Variants in NTRK2 observed in about 807,000 individuals in gnomAD.
NTRK2 encodes neurotrophic receptor tyrosine kinase 2, also known as BDNF/NT-3 growth factors receptor.
A neutral mutation model predicts 94.5 loss-of-function variants in NTRK2; 13 were observed. The observed-to-expected ratio is 0.14, with a 90% CI of 0.09 to 0.22. The LOEUF is 0.22. Ranked by LOEUF, NTRK2 falls within the 10% of genes least tolerant of loss-of-function variation. The probability of loss-of-function intolerance (pLI) is 1.00; values close to 1 mark genes in which losing one functional copy is unlikely to be tolerated. For missense variants in NTRK2, 639 were observed against 1,071.2 expected (o/e 0.60, Z 5.63); for synonymous variants, 372 against 407.4 (o/e 0.91, Z 1.05).
chr9:84,955,304 G>A lies in NTRK2; in HGVS notation c.1959G>A (p.Val653=). 2 of 1,607,004 alleles carry A rather than the reference G, an allele frequency of 1.2e-6. No homozygotes were observed. Among genetic ancestry groups the A allele is most frequent in the East Asian group, 4.5e-5 (2 of 44,368 alleles). ...KFLRAHGPDA[V]LMAEGNPPTE... is the part of the protein sequence containing the mutation. The stretch of plus-strand genomic sequence containing the variant: ...CCAGGGCACACGGCCCTGATGCCGT[G>A]CTGATGGCTGAGGGCAACCCGCCCA... Residue 653 remains valine (V), a synonymous_variant, in exon 17 of 19, where the codon GTG becomes GTA. Coordinates refer to ENST00000277120, the MANE Select transcript of NTRK2 (RefSeq NM_006180.6).
chr9:84,855,128 G>T (rs1414416627), intron 12 of NTRK2, among the ~76,000 whole-genome samples: 1 of 152,128 alleles, frequency 6.6e-6, no homozygotes, highest in Non-Finnish European at 1.5e-5. Context: ...GTAAGGATCA[G>T]AAGTTTATAC....
chr9:84,940,144 C>A (rs981725330), intron 15 of NTRK2, among the ~76,000 whole-genome samples: 3 of 152,028 alleles, frequency 2.0e-5, no homozygotes, highest in Non-Finnish European at 4.4e-5. Context: ...CTACCCAACC[C>A]AAATGGACTG....
chr9:84,818,019 T>G (rs115891161), intron 12 of NTRK2, among the ~76,000 whole-genome samples: 3,702 of 152,278 alleles, frequency 0.024, 128 homozygotes, highest in African/African-American at 0.077. Flanking sequence ...AATACATCCT[T>G]TAGTGAGCTC....
intron 17 of NTRK2, 52 bp downstream of exon 17, chr9:84,955,569 C>T (rs1824006066): frequency 7.0e-7 from 1 of 1,437,302 alleles, no homozygotes; most frequent in Non-Finnish European, 9.7e-7. Context: ...CCTGCGGGAC[C>T]CCTGCTGTAT....
chr9:84,861,004 T>C, intron 12 of NTRK2, 36 bp from the exon 13 acceptor site: 1 of 1,601,158 alleles, frequency 6.2e-7, no homozygotes. Flanking sequence ...CTACTTCTCT[T>C]TCGAAGTTTA....
At chr9:84,899,740 A>G (rs754956272) in intron 14 of NTRK2, among the ~76,000 whole-genome samples, 8 of 152,062 alleles carry the variant, frequency 5.3e-5, no homozygotes, top group Non-Finnish European at 1.2e-4. Flanking sequence ...GAAAAAGGGA[A>G]AAGAGAGTTA....
intron 14 of NTRK2, among the ~76,000 whole-genome samples, chr9:84,890,166 G>T (rs1380038203): frequency 6.6e-6 from 1 of 152,020 alleles, no homozygotes; most frequent in Non-Finnish European, 1.5e-5. Context: ...CATCAGTCCT[G>T]CTCTCCTCCC....
At chr9:84,846,451 A>G (rs148218399) in intron 12 of NTRK2, among the ~76,000 whole-genome samples, 1 of 152,158 alleles carries the variant, frequency 6.6e-6, no homozygotes, top group Admixed American at 6.6e-5. Flanking sequence ...CTCATTTTTC[A>G]TGATTCTTTA....
At chr9:85,004,063 GGAGA>G (rs1379351119) in intron 17 of NTRK2, among the ~76,000 whole-genome samples, 5 of 65,682 alleles carry the variant, frequency 7.6e-5, no homozygotes, top group African/African-American at 2.0e-4. Context: ...GAGAAAGAAA[GGAGA>G]GAGAGAGAGG....
intron 6 of NTRK2, among the ~76,000 whole-genome samples, chr9:84,722,096 G>A (rs899835616): frequency 7.0e-6 from 1 of 142,482 alleles, no homozygotes; most frequent in African/African-American, 2.6e-5. Flanking sequence ...TGTGGGGCTT[G>A]TATTACACTC....
rs554081418 is a variant in NTRK2, at chr9:84,922,654, C to T, written c.1634-11508C>T. On this transcript the variant is annotated intron_variant, in intron 14 of 18. Transcript: ENST00000277120. ...AAAATGGGGACAGTGATGTCTCTCC[C>T]GAGGCCCATCAGGATGTTTCAATCA... 3.9e-4 allele frequency among the ~76,000 whole-genome samples: 59 copies of T among 152,246 alleles called. 2 individuals carry two copies. In the East Asian group the frequency reaches 7.9e-3, roughly 20 times the overall value.
chr9:84,984,498 A>AC (rs556715586), intron 17 of NTRK2, among the ~76,000 whole-genome samples: 68 of 68,228 alleles, frequency 1.0e-3, no homozygotes, highest in African/African-American at 4.7e-3. Context: ...AAACAAACAA[A>AC]AAACAAAAAA....
intron 17 of NTRK2, among the ~76,000 whole-genome samples, chr9:85,000,962 G>A (rs1830270958): frequency 6.6e-6 from 1 of 152,176 alleles, no homozygotes; most frequent in African/African-American, 2.4e-5. Context: ...ATTCTAATAG[G>A]CGTGATAGGT....
At chr9:84,824,227 T>A (rs1240567517) in intron 12 of NTRK2, among the ~76,000 whole-genome samples, 1 of 152,232 alleles carries the variant, frequency 6.6e-6, no homozygotes, top group East Asian at 1.9e-4. Context: ...ACACAGGTGC[T>A]GGCTGTTGGC....
At chr9:84,888,380 G>A (rs1175073046) in intron 14 of NTRK2, among the ~76,000 whole-genome samples, 2 of 151,782 alleles carry the variant, frequency 1.3e-5, no homozygotes, top group Non-Finnish European at 2.9e-5. Flanking sequence ...GGAGGACATG[G>A]CGGGTGGATC....
chr9:84,748,672 G>T (rs575443114), intron 11 of NTRK2, among the ~76,000 whole-genome samples: 3 of 152,124 alleles, frequency 2.0e-5, no homozygotes, highest in Non-Finnish European at 4.4e-5. Context: ...CTCCCCCATC[G>T]CAGTTTTCTT....
At chr9:84,950,144 G>T (rs182977066) in intron 16 of NTRK2, among the ~76,000 whole-genome samples, 1 of 152,208 alleles carries the variant, frequency 6.6e-6, no homozygotes, top group Non-Finnish European at 1.5e-5. Flanking sequence ...AGCTCTTAGC[G>T]TAGGAGCGAA....
At chr9:84,964,069 T>A (rs535524321) in intron 17 of NTRK2, among the ~76,000 whole-genome samples, 2 of 152,356 alleles carry the variant, frequency 1.3e-5, no homozygotes, top group Admixed American at 1.3e-4. Context: ...GTTCCGTTGA[T>A]TGAGTTTTCT....
At chr9:84,944,215 T>TCTCTCACACA (rs1440338055) in intron 15 of NTRK2, among the ~76,000 whole-genome samples, 40 of 120,328 alleles carry the variant, frequency 3.3e-4, no homozygotes, top group African/African-American at 1.0e-3. Context: ...TCTCTCTCTC[T>TCTCTCACACA]CACACACACA....
Sources: gnomAD v4.1 joint callset for allele counts (sites outside exome capture counted in the v4.1 genomes callset) on GRCh38, gnomAD v4.1.1 for gene constraint, MANE v1.5 for transcripts, NCBI Gene and HGNC (gene_info 2026-07-23, HGNC 2026-07-21) for gene names.